Variants in GPR176 observed in about 807,000 individuals in gnomAD.
GPR176 encodes G-protein coupled receptor 176.
In GPR176, 26 loss-of-function variants were observed where a neutral mutation model predicts 35.4. The observed-to-expected ratio is 0.74, with a 90% CI of 0.54 to 1.02. The LOEUF is 1.02. Among genes scored for constraint, GPR176 ranks in the 50% least tolerant of loss-of-function variants. The pLI is 0.00. For synonymous variants in GPR176, 278 were observed against 271.3 expected, an observed-to-expected ratio of 1.02 and a Z score of -0.24; for missense variants, 597 against 665.3, an observed-to-expected ratio of 0.90 and a Z score of 1.13.
chr15:39,855,855 G>GCAATAA (rs2031179817), intron 1 of GPR176, among the ~76,000 whole-genome samples: 1 of 152,188 alleles, frequency 6.6e-6, no homozygotes, highest in Non-Finnish European at 1.5e-5. Context: ...GAAATTAACA[G>GCAATAA]CAATAACACA....
intron 1 of GPR176, among the ~76,000 whole-genome samples, chr15:39,889,608 TAAAAC>T (rs1555409390): frequency 5.1e-5 from 7 of 136,494 alleles, no homozygotes; most frequent in African/African-American, 1.1e-4. Flanking sequence ...TAAAATAAAA[TAAAAC>T]AAAACAAAAC....
intron 1 of GPR176, among the ~76,000 whole-genome samples, chr15:39,826,681 T>TACAGC (rs908030535): frequency 6.6e-6 from 1 of 152,230 alleles, no homozygotes; most frequent in African/African-American, 2.4e-5. Flanking sequence ...TTTAAATTCA[T>TACAGC]ACAGCACACA....
At chr15:39,915,470 G>T (rs1381879813) in intron 1 of GPR176, among the ~76,000 whole-genome samples, 1 of 152,144 alleles carries the variant, frequency 6.6e-6, no homozygotes, top group Admixed American at 6.5e-5. Context: ...TGAATTTGAG[G>T]GGGAATATAA....
At chr15:39,894,366 C>T (rs1410342784) in intron 1 of GPR176, 2 of 152,480 alleles carry the variant, frequency 1.3e-5, no homozygotes, top group African/African-American at 2.4e-5. Flanking sequence ...GGGCTGACCC[C>T]CCCACCTCCC....
At chr15:39,811,717 C>G (rs1899566301) in intron 1 of GPR176, among the ~76,000 whole-genome samples, 1 of 152,056 alleles carries the variant, frequency 6.6e-6, no homozygotes, top group Non-Finnish European at 1.5e-5. Context: ...GAGATCAAGA[C>G]CATCCTGGCG....
chr15:39,811,275 T>C (rs1434798858), intron 1 of GPR176, among the ~76,000 whole-genome samples: 1 of 152,116 alleles, frequency 6.6e-6, no homozygotes, highest in African/African-American at 2.4e-5. Flanking sequence ...GTAATCTTCC[T>C]AGCTCAGTCT....
At chr15:39,910,062 T>C (rs939348716) in intron 1 of GPR176, among the ~76,000 whole-genome samples, 5 of 152,118 alleles carry the variant, frequency 3.3e-5, no homozygotes, top group African/African-American at 4.8e-5. Context: ...AGTGCACGTG[T>C]TGTGGGAGAG....
chr15:39,804,320 CTG>C (rs2140777685), intron 2 of GPR176, among the ~76,000 whole-genome samples: 1 of 152,324 alleles, frequency 6.6e-6, no homozygotes, highest in Non-Finnish European at 1.5e-5. Context: ...AGAGAAAAGA[CTG>C]TCTTCTCTTC....
At chr15:39,818,953 T>C (rs184839771) in intron 1 of GPR176, among the ~76,000 whole-genome samples, 21 of 152,346 alleles carry the variant, frequency 1.4e-4, no homozygotes, top group African/African-American at 4.6e-4. Flanking sequence ...TCTATTAACC[T>C]CCTTGAGAAG....
intron 1 of GPR176, among the ~76,000 whole-genome samples, chr15:39,889,103 G>A (rs973413197): frequency 1.3e-5 from 2 of 152,194 alleles, no homozygotes; most frequent in Non-Finnish European, 2.9e-5. Flanking sequence ...TCCCATGTAA[G>A]ATAAGCCAGT....
At chr15:39,876,186 AAAG>A (rs963371100) in intron 1 of GPR176, among the ~76,000 whole-genome samples, 82 of 151,934 alleles carry the variant, frequency 5.4e-4, no homozygotes, top group Non-Finnish European at 1.0e-3. Context: ...ATTTTTAAAA[AAAG>A]AAGAAGAAGA....
intron 1 of GPR176, among the ~76,000 whole-genome samples, chr15:39,876,097 G>C (rs868429503): frequency 5.9e-5 from 9 of 151,998 alleles, no homozygotes; most frequent in South Asian, 4.2e-4. Flanking sequence ...ACTGCAGTGA[G>C]CCACGATCCT....
intron 1 of GPR176, among the ~76,000 whole-genome samples, chr15:39,824,806 T>C (rs1209016145): frequency 2.0e-5 from 3 of 152,242 alleles, no homozygotes; most frequent in Admixed American, 1.3e-4. Context: ...CTGAGCTACA[T>C]ATCCACAAGC....
intron 1 of GPR176, among the ~76,000 whole-genome samples, chr15:39,874,377 C>T (rs1227516876): frequency 6.6e-6 from 1 of 152,184 alleles, no homozygotes; most frequent in African/African-American, 2.4e-5. Context: ...CCAGACCAAA[C>T]CTTCTCATCT....
chr15:39,876,333 A>G (rs1181838408), intron 1 of GPR176, among the ~76,000 whole-genome samples: 5 of 152,170 alleles, frequency 3.3e-5, no homozygotes, highest in Non-Finnish European at 7.3e-5. Flanking sequence ...CACTTCAGGG[A>G]GAATTTCAGG....
chr15:39,820,456 G>A (rs1312530126), intron 1 of GPR176, among the ~76,000 whole-genome samples: 1 of 152,208 alleles, frequency 6.6e-6, no homozygotes, highest in Non-Finnish European at 1.5e-5. Flanking sequence ...GAGCTCTGTA[G>A]GAAGGAGGGA....
intron 1 of GPR176, among the ~76,000 whole-genome samples, chr15:39,906,379 A>T (rs1215724905): frequency 6.6e-6 from 1 of 152,142 alleles, no homozygotes; most frequent in Non-Finnish European, 1.5e-5. Context: ...CTGATCCTAC[A>T]CACCTAATAG....
At chr15:39,864,960 T>C (rs1490085295) in intron 1 of GPR176, among the ~76,000 whole-genome samples, 1 of 148,078 alleles carries the variant, frequency 6.8e-6, no homozygotes, top group Admixed American at 6.7e-5. Flanking sequence ...TCAACATTGC[T>C]AATCATCAGA....
intron 2 of GPR176, among the ~76,000 whole-genome samples, chr15:39,803,730 C>G (rs1899030136): frequency 6.6e-6 from 1 of 152,128 alleles, no homozygotes; most frequent in South Asian, 2.1e-4. Context: ...GATGACAGCT[C>G]TACTAGAGGC....
Sources: gnomAD v4.1 joint callset for allele counts (sites outside exome capture counted in the v4.1 genomes callset) on GRCh38, gnomAD v4.1.1 for gene constraint, MANE v1.5 for transcripts, NCBI Gene and HGNC (gene_info 2026-07-23, HGNC 2026-07-21) for gene names.